The following RAD51B variants were observed in gnomAD, a reference collection of about 807,000 sequenced individuals.
RAD51B encodes the protein RAD51 paralog B.
Under a neutral mutation model 42.2 loss-of-function variants are expected in RAD51B, and 38 were observed. The ratio of observed to expected loss-of-function variants is 0.90; its 90% CI spans 0.70 to 1.18. The LOEUF (loss-of-function observed/expected upper bound fraction) is 1.18, where lower values mean the gene tolerates loss of function less well. RAD51B is among the 50% of genes most tolerant of loss of function. RAD51B has a pLI of 0.00. For missense variants in RAD51B, 373 were observed against 400.7 expected (o/e 0.93, Z 0.59); for synonymous variants, 154 against 145.2 (o/e 1.06, Z -0.43).
At chr14:68,431,506 C>T (rs1345262564) in intron 9 of RAD51B, among the ~76,000 whole-genome samples, 1 of 152,132 alleles carries the variant, frequency 6.6e-6, no homozygotes, top group Non-Finnish European at 1.5e-5. Context: ...AGAAATTCAT[C>T]CATTTCTTCT....
rs927859198 is a variant in RAD51B, at chr14:67,826,498, C to T, written c.198+921C>T. Among the ~76,000 whole-genome samples the T allele has an allele frequency of 7.2e-5, 11 of 152,096 alleles. No homozygotes were observed. In the East Asian group the frequency reaches 7.7e-4, roughly 11 times the overall value. On this transcript the variant is annotated intron_variant, in intron 3 of 10. Transcript: ENST00000471583. ...AGTAAGAGTTTCCTAAAATTCTGTT[C>T]GGTGCTTTGCAAATGTATTTATTTA...
intron 8 of RAD51B, among the ~76,000 whole-genome samples, chr14:68,390,916 A>C (rs985545708): frequency 6.6e-6 from 1 of 152,230 alleles, no homozygotes; most frequent in African/African-American, 2.4e-5. Flanking sequence ...GGTAGGATCT[A>C]AAGACGTACT....
chr14:68,232,576 T>G (rs781256985), intron 7 of RAD51B, among the ~76,000 whole-genome samples: 46 of 152,046 alleles, frequency 3.0e-4, no homozygotes, highest in Non-Finnish European at 5.4e-4. Context: ...ACAGGAAAAT[T>G]TTCTGAGCCA....
chr14:68,248,429 C>T (rs1217432666), intron 7 of RAD51B, among the ~76,000 whole-genome samples: 1 of 152,092 alleles, frequency 6.6e-6, no homozygotes, highest in Non-Finnish European at 1.5e-5. Flanking sequence ...GTTGGCAATG[C>T]CTCCCCAGGC....
At chr14:68,285,338 A>T (rs748368082) in intron 7 of RAD51B, among the ~76,000 whole-genome samples, 15 of 152,226 alleles carry the variant, frequency 9.9e-5, no homozygotes, top group Non-Finnish European at 1.9e-4. Context: ...ATCACTTCAG[A>T]TACAAAAGTA....
intron 9 of RAD51B, among the ~76,000 whole-genome samples, chr14:68,434,790 G>T (rs138106743): frequency 6.6e-6 from 1 of 152,150 alleles, no homozygotes; most frequent in East Asian, 1.9e-4. Flanking sequence ...AGATGAACCC[G>T]GTACCTGAGT....
chr14:68,650,775 A>C, intron 10 of RAD51B: 1 of 757,112 alleles, frequency 1.3e-6, no homozygotes, highest in Non-Finnish European at 2.4e-6. Flanking sequence ...CTTTTTGTTT[A>C]CACAGAATTT....
chr14:68,405,277 C>T (rs1442922642), intron 8 of RAD51B, among the ~76,000 whole-genome samples: 5 of 152,076 alleles, frequency 3.3e-5, no homozygotes, highest in East Asian at 1.9e-4. Context: ...CCTGTCTCTA[C>T]AGAAAAATAA....
intron 10 of RAD51B, among the ~76,000 whole-genome samples, chr14:68,549,693 C>T (rs1366454590): frequency 6.6e-6 from 1 of 151,908 alleles, no homozygotes; most frequent in East Asian, 1.9e-4. Flanking sequence ...GGATTACAGG[C>T]GTGAGCCACC....
chr14:68,243,825 C>A (rs1456685486), intron 7 of RAD51B, among the ~76,000 whole-genome samples: 4 of 152,282 alleles, frequency 2.6e-5, no homozygotes, highest in Middle Eastern at 3.4e-3. Context: ...TTCATTTCTG[C>A]TGGTATTTCA....
chr14:68,634,171 G>T (rs1892294501), intron 10 of RAD51B, among the ~76,000 whole-genome samples: 1 of 152,104 alleles, frequency 6.6e-6, no homozygotes, highest in Non-Finnish European at 1.5e-5. Context: ...GTTTCCTCCT[G>T]GGTAAAATGG....
chr14:67,873,053 T>G (rs1219172646), intron 5 of RAD51B, among the ~76,000 whole-genome samples: 1 of 152,002 alleles, frequency 6.6e-6, no homozygotes, highest in Non-Finnish European at 1.5e-5. Flanking sequence ...TCTAAAACAC[T>G]TAAAGCAATG....
At chr14:68,156,455 TTCTCTCTCTCTCTCTCTC>T (rs10650896) in intron 7 of RAD51B, among the ~76,000 whole-genome samples, 23 of 114,344 alleles carry the variant, frequency 2.0e-4, no homozygotes, top group African/African-American at 6.9e-4. Context: ...CTTAGAAAAT[TTCTCTCTCTCTCTCTCTC>T]TCTCTCTCTC....
intron 7 of RAD51B, among the ~76,000 whole-genome samples, chr14:68,061,149 A>C (rs1595342163): frequency 6.7e-6 from 1 of 148,250 alleles, no homozygotes; most frequent in African/African-American, 2.5e-5. Flanking sequence ...GCTCACTGCA[A>C]CCTCTGCCTC....
At chr14:68,680,345 T>C (rs1642664003) in intron 11 of RAD51B, among the ~76,000 whole-genome samples, 1 of 152,192 alleles carries the variant, frequency 6.6e-6, no homozygotes, top group South Asian at 2.1e-4. Flanking sequence ...TACGCTACAG[T>C]CTTCCCACCA....
At position 68,244,741 on chromosome 14, in the gene RAD51B, T is replaced by C. The variant is rs147758607; in HGVS notation, c.757-47143T>C. Among the ~76,000 whole-genome samples the C allele has an allele frequency of 3.4e-4, 52 of 152,228 alleles. 1 individual carries two copies. The East Asian group carries it at 6.0e-3, about 18-fold the overall frequency. Reference sequence around the variant, plus strand: ...TGGTTTGTCTGATCCATCCAGCAAATCCACCCATGCATGGCCATTGTGTCC... The same window carrying C: ...TGGTTTGTCTGATCCATCCAGCAAACCCACCCATGCATGGCCATTGTGTCC... On this transcript the variant is annotated intron_variant, in intron 7 of 10. Transcript: ENST00000471583.
chr14:68,644,152 G>A (rs947254853), intron 10 of RAD51B, among the ~76,000 whole-genome samples: 13 of 152,200 alleles, frequency 8.5e-5, no homozygotes, highest in Admixed American at 2.0e-4. Flanking sequence ...TTCCTGCAAC[G>A]AGCATTTACT....
intron 8 of RAD51B, among the ~76,000 whole-genome samples, chr14:68,354,868 G>C (rs80316147): frequency 7.2e-5 from 11 of 152,250 alleles, no homozygotes; most frequent in African/African-American, 2.6e-4. Context: ...GAATTTTGAC[G>C]TGGGAGCCCC....
chr14:68,399,394 C>G (rs1393474474), intron 8 of RAD51B, among the ~76,000 whole-genome samples: 1 of 151,260 alleles, frequency 6.6e-6, no homozygotes, highest in African/African-American at 2.4e-5. Flanking sequence ...GTAGCTGGGA[C>G]TACAGGCACC....
Sources: gnomAD v4.1 joint callset for allele counts (sites outside exome capture counted in the v4.1 genomes callset) on GRCh38, gnomAD v4.1.1 for gene constraint, MANE v1.5 for transcripts, NCBI Gene and HGNC (gene_info 2026-07-23, HGNC 2026-07-21) for gene names.